The following MGAT4C variants were observed in gnomAD, a reference collection of about 807,000 sequenced individuals.
MGAT4C encodes the protein alpha-1,3-mannosyl-glycoprotein 4-beta-N-acetylglucosaminyltransferase C.
A neutral mutation model predicts 40.1 loss-of-function variants in MGAT4C; 19 were observed. That is an observed-to-expected ratio of 0.47 (90% CI 0.33 to 0.70). MGAT4C has a LOEUF of 0.70. Among genes scored for constraint, MGAT4C ranks in the 30% least tolerant of loss-of-function variants. The probability of loss-of-function intolerance (pLI) is 0.02; values close to 1 mark genes in which losing one functional copy is unlikely to be tolerated. For missense variants in MGAT4C, 491 were observed against 563.2 expected, an observed-to-expected ratio of 0.87 and a Z score of 1.30; for synonymous variants, 181 against 187.1, an observed-to-expected ratio of 0.97 and a Z score of 0.27.
chr12:86,167,404 C>A (rs1454888766), intron 1 of MGAT4C, among the ~76,000 whole-genome samples: 2 of 152,114 alleles, frequency 1.3e-5, no homozygotes, highest in African/African-American at 4.8e-5. Flanking sequence ...CACAATGAAA[C>A]CTCATTAGTT....
chr12:86,826,037 C>A (rs1952800028), intron 1 of MGAT4C, among the ~76,000 whole-genome samples: 1 of 151,358 alleles, frequency 6.6e-6, no homozygotes. Context: ...CTCCAGGAAT[C>A]CAGCAGAAAG....
chr12:86,816,266 C>T (rs991236520), intron 1 of MGAT4C, among the ~76,000 whole-genome samples: 1 of 151,470 alleles, frequency 6.6e-6, no homozygotes, highest in Non-Finnish European at 1.5e-5. Context: ...TTTTTATTTT[C>T]TTTTTATAAT....
intron 2 of MGAT4C, among the ~76,000 whole-genome samples, chr12:86,435,678 T>C (rs1451266439): frequency 6.6e-6 from 1 of 151,866 alleles, no homozygotes; most frequent in African/African-American, 2.4e-5. Flanking sequence ...TTGATAAAAC[T>C]CAAATGAACA....
intron 1 of MGAT4C, among the ~76,000 whole-genome samples, chr12:86,823,457 GA>G (rs150688975): frequency 0.029 from 4,427 of 150,726 alleles, 183 homozygotes; most frequent in African/African-American, 0.092. Context: ...TAAATTTACG[GA>G]AAAAAAATTA....
rs192591988 is a variant in MGAT4C at position 86,353,066 on chromosome 12, A to T, written c.-119-18939T>A. Among the ~76,000 whole-genome samples, 571 of 149,168 alleles carry T rather than the reference A, an allele frequency of 3.8e-3. 7 individuals carry two copies. Among genetic ancestry groups the T allele is most frequent in the African/African-American group, 0.013 (529 of 41,030 alleles). ...AAATAAATAAATAAAATAAATTATA[A>T]AAAAAAAGAAAGAGATCCAGAATCT... On this transcript the variant is annotated intron_variant, in intron 3 of 7. Transcript: ENST00000548651.
At chr12:86,405,668 G>T (rs771429930) in intron 3 of MGAT4C, among the ~76,000 whole-genome samples, 2 of 151,332 alleles carry the variant, frequency 1.3e-5, no homozygotes, top group Non-Finnish European at 3.0e-5. Flanking sequence ...TCTTGAAAAA[G>T]AATAAACAAA....
chr12:85,995,047 AT>A (rs770914523), intron 2 of MGAT4C, among the ~76,000 whole-genome samples: 1 of 152,182 alleles, frequency 6.6e-6, no homozygotes, highest in African/African-American at 2.4e-5. Flanking sequence ...AAGTATTAAC[AT>A]TTTTACCCAG....
intron 2 of MGAT4C, among the ~76,000 whole-genome samples, chr12:86,594,295 C>T (rs1961445860): frequency 6.6e-6 from 1 of 152,062 alleles, no homozygotes; most frequent in African/African-American, 2.4e-5. Flanking sequence ...GTCTGGAGTG[C>T]AATTTTCATT....
At chr12:86,766,410 T>A (rs1409253083) in intron 1 of MGAT4C, among the ~76,000 whole-genome samples, 2 of 152,094 alleles carry the variant, frequency 1.3e-5, no homozygotes, top group Middle Eastern at 3.4e-3. Context: ...CTCCCATACA[T>A]TAATAATGGG....
intron 2 of MGAT4C, among the ~76,000 whole-genome samples, chr12:86,559,135 T>C (rs1354598475): frequency 6.6e-6 from 1 of 151,848 alleles, no homozygotes; most frequent in Admixed American, 6.6e-5. Context: ...AATTCAGGAA[T>C]AGAATATAAT....
At chr12:86,171,330 T>C (rs1412667653) in intron 1 of MGAT4C, among the ~76,000 whole-genome samples, 1 of 151,784 alleles carries the variant, frequency 6.6e-6, no homozygotes, top group Admixed American at 6.6e-5. Context: ...GATTGTACCA[T>C]TGCACTCCAG....
At chr12:86,781,565 T>G (rs1174674927) in intron 1 of MGAT4C, among the ~76,000 whole-genome samples, 1 of 152,132 alleles carries the variant, frequency 6.6e-6, no homozygotes, top group Non-Finnish European at 1.5e-5. Flanking sequence ...ATATTAAAAT[T>G]TATTCACTGA....
chr12:86,057,896 A>T (rs767863662), intron 1 of MGAT4C, among the ~76,000 whole-genome samples: 2 of 152,188 alleles, frequency 1.3e-5, no homozygotes, highest in Non-Finnish European at 2.9e-5. Context: ...ATACACTGCT[A>T]TTTAAGAAAC....
intron 1 of MGAT4C, among the ~76,000 whole-genome samples, chr12:86,150,317 G>C (rs1034705446): frequency 3.9e-5 from 6 of 152,116 alleles, no homozygotes; most frequent in Admixed American, 3.3e-4. Flanking sequence ...AGGGACTCCT[G>C]ATCTAAATGA....
At chr12:86,565,721 A>G (rs1960061732) in intron 2 of MGAT4C, among the ~76,000 whole-genome samples, 1 of 152,214 alleles carries the variant, frequency 6.6e-6, no homozygotes, top group Non-Finnish European at 1.5e-5. Context: ...AACTGTGAAG[A>G]CATTTGTATC....
Position 86,060,190 on chromosome 12 carries a change from C to A in MGAT4C, c.-56-10467G>T, listed in dbSNP as rs150937641. ...AAGCTTTCTGACACACAAAGGTAGG[C>A]CCCTAGGTAGACTGACCTCTTCTAA... On this transcript the variant is annotated intron_variant, in intron 1 of 4. Transcript: ENST00000611864. Among the ~76,000 whole-genome samples the A allele has an allele frequency of 7.6e-3, 1,149 of 152,168 alleles. 12 individuals carry two copies. Among genetic ancestry groups the A allele is most frequent in the African/African-American group, 0.026 (1,069 of 41,518 alleles).
At chr12:86,633,372 A>G (rs2136509268) in intron 2 of MGAT4C, among the ~76,000 whole-genome samples, 1 of 152,214 alleles carries the variant, frequency 6.6e-6, no homozygotes, top group South Asian at 2.1e-4. Flanking sequence ...AGAATTTGTC[A>G]TGAGAAACTG....
chr12:86,576,773 C>CT lies in MGAT4C; in HGVS notation c.-228-141509dup, dbSNP rs541478738. On this transcript the variant is annotated intron_variant, in intron 2 of 7. Transcript: ENST00000548651. ...TTAATGTGATTCTTCCAGTTTTGTT[C>CT]TTTTTTGCGTAGAATAGCTTTGGCT... 2.6e-3 allele frequency among the ~76,000 whole-genome samples: 390 copies of CT among 151,788 alleles called. 1 individual carries two copies. The highest frequency in any genetic ancestry group is 0.014 in the Middle Eastern group (4 of 294).
intron 4 of MGAT4C, among the ~76,000 whole-genome samples, chr12:86,325,115 C>A (rs1468316820): frequency 6.6e-6 from 1 of 152,004 alleles, no homozygotes; most frequent in Non-Finnish European, 1.5e-5. Context: ...TTTGAAGCTA[C>A]TAGATCAATT....
Sources: allele counts gnomAD v4.1 joint callset (sites outside exome capture counted in the v4.1 genomes callset), GRCh38; gene constraint gnomAD v4.1.1; transcripts MANE v1.5; gene names NCBI Gene and HGNC (gene_info 2026-07-23, HGNC 2026-07-21).